HEATR4: variants seen among roughly 807,000 people sequenced by gnomAD.
HEATR4 encodes HEAT repeat containing 4.
HEATR4 carries 95 observed loss-of-function variants against 108.8 expected under a neutral mutation model. The observed-to-expected ratio is 0.87, with a 90% confidence interval of 0.74 to 1.04. HEATR4 has a LOEUF of 1.04. Among genes scored for constraint, HEATR4 ranks in the 50% least tolerant of loss-of-function variants. The pLI is 0.00. For synonymous variants in HEATR4, 443 were observed against 459.4 expected (o/e 0.96, Z 0.46); for missense variants, 1,152 against 1,253.8 (o/e 0.92, Z 1.23).
chr14:73,571,480 AGACTAGGGAAAAGCCTGGGCTTCAC>A, the HEATR4 span: 1 of 152,162 alleles, frequency 6.6e-6, no homozygotes, highest in African/African-American at 2.4e-5. Flanking sequence ...TTGGGCTTCA[AGACTAGGGAAAAGCCTGGGCTTCAC>A]ACCCGTGGGC....
chr14:73,563,498 G>A (rs1299791426), upstream of HEATR4, among the ~76,000 whole-genome samples: 1 of 152,000 alleles, frequency 6.6e-6, no homozygotes, highest in Admixed American at 6.6e-5. Flanking sequence ...GGGAGGCTGA[G>A]GTAGGAGACT....
At chr14:73,529,354 CAAAAA>C (rs10605851) in intron 2 of HEATR4, among the ~76,000 whole-genome samples, 1,285 of 87,402 alleles carry the variant, frequency 0.015, 24 homozygotes, top group African/African-American at 0.053. Flanking sequence ...GACTCTGTCT[CAAAAA>C]AAAAAAAAAA....
chr14:73,626,789 C>CTTT, the HEATR4 span, among the ~76,000 whole-genome samples: 145 of 82,342 alleles, frequency 1.8e-3, 6 homozygotes, highest in African/African-American at 6.5e-3. Flanking sequence ...GACAAACAGC[C>CTTT]TTTTTTTTTT....
chr14:73,558,833 GA>G lies in HEATR4; in HGVS notation c.-235del, dbSNP rs1889452556. ...AGCTGACACCATCCAGCACCTTTCAGATACTGGCAAAGGAGCAGTGTTTCAA... is the reference window on the plus strand; with the variant it reads ...AGCTGACACCATCCAGCACCTTTCAGTACTGGCAAAGGAGCAGTGTTTCAA... On this transcript the variant is annotated 5_prime_UTR_variant, in exon 1 of 18. Coordinates refer to ENST00000553558, the MANE Select transcript of HEATR4 (RefSeq NM_001220484.1). The G allele has an allele frequency of 6.6e-6, 1 of 151,012 alleles. No individual in the cohort carries two copies. The highest frequency in any genetic ancestry group is 2.4e-5 in the African/African-American group (1 of 41,032). 9.4% of individuals were successfully genotyped at this position (151,012 alleles called of 1,614,324 possible).
chr14:73,503,778 AC>A (rs1466183652), intron 10 of HEATR4, among the ~76,000 whole-genome samples: 1 of 152,068 alleles, frequency 6.6e-6, no homozygotes, highest in African/African-American at 2.4e-5. Flanking sequence ...TTATCCCTGC[AC>A]CCCCAGGGGT....
the HEATR4 span, chr14:73,617,360 G>T: frequency 1.1e-6 from 1 of 937,670 alleles, no homozygotes; most frequent in Non-Finnish European, 1.6e-6. Context: ...TGCACCTGTA[G>T]TCCCAGCTAC....
At chr14:73,522,051 G>T (rs1380075494) in intron 3 of HEATR4, among the ~76,000 whole-genome samples, 1 of 152,198 alleles carries the variant, frequency 6.6e-6, no homozygotes. Context: ...ATCCCATAAT[G>T]AACAGGGCAG....
At chr14:73,518,017 C>T (rs1001474892) in intron 5 of HEATR4, among the ~76,000 whole-genome samples, 3 of 152,130 alleles carry the variant, frequency 2.0e-5, no homozygotes, top group Non-Finnish European at 4.4e-5. Flanking sequence ...ACCCAGGAGG[C>T]GGAGGTTGCA....
chr14:73,579,214 C>G, the HEATR4 span, among the ~76,000 whole-genome samples: 1 of 141,894 alleles, frequency 7.0e-6, no homozygotes, highest in Non-Finnish European at 1.5e-5. Context: ...CGAGATCACG[C>G]CATTGTACTC....
chr14:73,612,452 C>T, the HEATR4 span: 1 of 663,740 alleles, frequency 1.5e-6, no homozygotes, highest in Non-Finnish European at 2.2e-6. Flanking sequence ...TCCCCAAGTC[C>T]AACCAATGGG....
chr14:73,594,849 C>T, the HEATR4 span, among the ~76,000 whole-genome samples: 8 of 152,266 alleles, frequency 5.3e-5, no homozygotes, highest in South Asian at 2.1e-4. Flanking sequence ...TAGAGGCGTG[C>T]GCCACCACAC....
chr14:73,597,241 C>T, the HEATR4 span, among the ~76,000 whole-genome samples: 4 of 151,522 alleles, frequency 2.6e-5, no homozygotes, highest in Non-Finnish European at 5.9e-5. Flanking sequence ...CCCGCCACCA[C>T]GCCTGGCTAA....
the HEATR4 span, chr14:73,595,049 G>A: frequency 6.2e-7 from 1 of 1,612,816 alleles, no homozygotes; most frequent in Non-Finnish European, 8.5e-7. Flanking sequence ...TTTCTTCCAG[G>A]TAAAAGGCCC....
intron 2 of HEATR4, chr14:73,527,115 A>C (rs1281228625): frequency 1.3e-5 from 2 of 152,224 alleles, no homozygotes; most frequent in Non-Finnish European, 2.9e-5. Context: ...TCAGCTGCAG[A>C]GACCGTAGGC....
the HEATR4 span, chr14:73,591,799 G>T: frequency 1.6e-6 from 1 of 633,670 alleles, no homozygotes; most frequent in Non-Finnish European, 2.3e-6. Flanking sequence ...GGAGCGCCGG[G>T]TTAACCGGTC....
rs1035935465 is a variant in HEATR4, at chr14:73,504,047, A to G, written c.1987-1034T>C. Among the ~76,000 whole-genome samples, 4 of 151,044 alleles carry G rather than the reference A, an allele frequency of 2.6e-5. No individual in the cohort carries two copies. In the South Asian group the frequency reaches 8.4e-4, roughly 32 times the overall value. ...ATTGTTAAGATGCAGATTCTGATTG[A>G]GCTGGCTTAAGATGAGATTTTTGCA... On this transcript the variant is annotated intron_variant, in intron 10 of 17. Transcript: ENST00000553558.
In HEATR4 at chr14:73,537,395, G is replaced by C. The variant is rs1366908465; in HGVS notation, c.-151-7151C>G. ...GGGGTCTCCACAGCTGAGGCAGTTTGGCCGGATTATTTGGGTTCCTGCTCG... is the reference window on the plus strand; with the variant it reads ...GGGGTCTCCACAGCTGAGGCAGTTTCGCCGGATTATTTGGGTTCCTGCTCG... On this transcript the variant is annotated intron_variant, in intron 1 of 17. Transcript: ENST00000553558. The C allele has an allele frequency of 1.6e-6, 2 of 1,234,452 alleles. 1 individual carries two copies. 76.5% of individuals were successfully genotyped at this position (1,234,452 alleles called of 1,614,324 possible).
the HEATR4 span, among the ~76,000 whole-genome samples, chr14:73,628,536 C>A: frequency 7.2e-5 from 11 of 152,176 alleles, no homozygotes; most frequent in Middle Eastern, 3.4e-3. Flanking sequence ...GGCGGATCAT[C>A]TGAGGTCAAG....
At chr14:73,597,591 C>CTTTTTT in the HEATR4 span, among the ~76,000 whole-genome samples, 196 of 98,206 alleles carry the variant, frequency 2.0e-3, no homozygotes, top group African/African-American at 3.6e-3. Context: ...TTTTTCTTTT[C>CTTTTTT]TTTTTTTTTT....
Sources: gnomAD v4.1 joint callset for allele counts (sites outside exome capture counted in the v4.1 genomes callset) on GRCh38, gnomAD v4.1.1 for gene constraint, MANE v1.5 for transcripts, NCBI Gene and HGNC (gene_info 2026-07-23, HGNC 2026-07-21) for gene names.